ADK: variants seen among roughly 807,000 people sequenced by gnomAD.
The protein encoded by ADK is N6,N6-dimethyladenosine kinase.
A neutral mutation model predicts 44.7 loss-of-function variants in ADK; 24 were observed. The observed-to-expected ratio is 0.54, with a 90% CI of 0.39 to 0.76. ADK has a LOEUF of 0.76. Ranked by LOEUF, ADK falls within the 30% of genes least tolerant of loss-of-function variation. ADK has a pLI of 0.00. For synonymous variants in ADK, 128 were observed against 142.6 expected (o/e 0.90, Z 0.73); for missense variants, 321 against 425.1 (o/e 0.76, Z 2.15).
At chr10:74,623,383 A>AAC (rs1321365650) in intron 9 of ADK, among the ~76,000 whole-genome samples, 1 of 152,176 alleles carries the variant, frequency 6.6e-6, no homozygotes. Flanking sequence ...TCATAAGGTC[A>AAC]ACACCAATAG....
intron 9 of ADK, among the ~76,000 whole-genome samples, chr10:74,624,302 G>A (rs1853105719): frequency 6.6e-6 from 1 of 151,066 alleles, no homozygotes; most frequent in African/African-American, 2.4e-5. Context: ...CTGAGCCTTG[G>A]CCCAGAAAAT....
At chr10:74,520,978 A>G (rs1848804609) in intron 6 of ADK, among the ~76,000 whole-genome samples, 1 of 152,184 alleles carries the variant, frequency 6.6e-6, no homozygotes, top group South Asian at 2.1e-4. Context: ...TTAGTAAAGC[A>G]CAAGATTTTA....
chr10:74,391,652 TAC>T (rs71475280), intron 4 of ADK, among the ~76,000 whole-genome samples: 4,067 of 74,128 alleles, frequency 0.055, 65 homozygotes, highest in Non-Finnish European at 0.078. Flanking sequence ...GGCAAGAATA[TAC>T]ACACACACAC....
chr10:74,327,364 T>C (rs1222559993), intron 4 of ADK, among the ~76,000 whole-genome samples: 1 of 152,334 alleles, frequency 6.6e-6, no homozygotes, highest in East Asian at 1.9e-4. Context: ...GAAAATATAA[T>C]CTATGATTTT....
intron 6 of ADK, among the ~76,000 whole-genome samples, chr10:74,470,650 G>A (rs1326829047): frequency 3.3e-5 from 2 of 61,042 alleles, no homozygotes; most frequent in East Asian, 3.1e-4. Flanking sequence ...TTTCGGGGGT[G>A]AGGTGTTGTG....
intron 4 of ADK, among the ~76,000 whole-genome samples, chr10:74,348,208 C>G (rs1423357735): frequency 6.6e-6 from 1 of 152,126 alleles, no homozygotes; most frequent in African/African-American, 2.4e-5. Flanking sequence ...AGGCTGGTGC[C>G]CCTCTGGGAC....
At chr10:74,363,745 T>C (rs1842415266) in intron 4 of ADK, among the ~76,000 whole-genome samples, 1 of 151,972 alleles carries the variant, frequency 6.6e-6, no homozygotes, top group African/African-American at 2.4e-5. Flanking sequence ...CAGATACCCC[T>C]CTTCCAGCAG....
chr10:74,357,347 C>T (rs1254380727), intron 4 of ADK, among the ~76,000 whole-genome samples: 1 of 151,936 alleles, frequency 6.6e-6, no homozygotes, highest in Non-Finnish European at 1.5e-5. Context: ...GCTGTGTTAC[C>T]CAGTCTGGTG....
intron 3 of ADK, among the ~76,000 whole-genome samples, chr10:74,277,448 G>A (rs1012271424): frequency 1.1e-4 from 16 of 151,848 alleles, no homozygotes; most frequent in Non-Finnish European, 2.2e-4. Flanking sequence ...CCAGGCTGGA[G>A]TGCAGTGGTG....
rs545816634 is a variant in ADK at position 74,277,151 on chromosome 10, C to T, written c.195-37516C>T. Among the ~76,000 whole-genome samples, 9 of 152,206 alleles carry T rather than the reference C, an allele frequency of 5.9e-5. No homozygotes were observed. The South Asian group carries it at 8.3e-4, about 14-fold the overall frequency. ...CAGGCTGATCTCGAACTCTTGACCT[C>T]GGGTGATCCGCCCTCCTCAGCCTCC... On this transcript the variant is annotated intron_variant, in intron 3 of 10. Transcript: ENST00000539909.
chr10:74,441,273 C>T (rs1845398258), intron 6 of ADK, among the ~76,000 whole-genome samples: 1 of 152,156 alleles, frequency 6.6e-6, no homozygotes, highest in Non-Finnish European at 1.5e-5. Flanking sequence ...GACATAATAC[C>T]AAGTGTTGAC....
At chr10:74,643,088 C>T (rs1030145030) in intron 9 of ADK, among the ~76,000 whole-genome samples, 2 of 151,962 alleles carry the variant, frequency 1.3e-5, no homozygotes, top group Admixed American at 1.3e-4. Flanking sequence ...GCAATCCACC[C>T]ACCTCAGCCT....
intron 8 of ADK, among the ~76,000 whole-genome samples, chr10:74,593,697 A>C (rs1308616480): frequency 1.3e-5 from 2 of 152,204 alleles, no homozygotes; most frequent in Admixed American, 1.3e-4. Flanking sequence ...TTTGGAAAAC[A>C]AAACAAAATG....
intron 10 of ADK, among the ~76,000 whole-genome samples, chr10:74,695,241 A>C (rs532948620): frequency 6.6e-6 from 1 of 152,234 alleles, no homozygotes; most frequent in East Asian, 1.9e-4. Context: ...TTTTCATATA[A>C]ATTTTAGAAT....
rs550094141 is a variant in ADK, at chr10:74,686,684, G to A, written c.964+16415G>A. ...TTTGTTTGTTTGTTTTTTGTTTTTTGTGTTTCTTTTTTAGATGGAGTCTTG... is the reference window on the plus strand; with the variant it reads ...TTTGTTTGTTTGTTTTTTGTTTTTTATGTTTCTTTTTTAGATGGAGTCTTG... On this transcript the variant is annotated intron_variant, in intron 10 of 10. Transcript: ENST00000539909. 3.3e-5 allele frequency among the ~76,000 whole-genome samples: 5 copies of A among 152,006 alleles called. 1 individual carries two copies. The highest frequency in any genetic ancestry group is 2.0e-4 in the Admixed American group (3 of 15,266).
In ADK at chr10:74,366,050, G is replaced by A. The variant is rs558163343; in HGVS notation, c.274-28091G>A. On this transcript the variant is annotated intron_variant, in intron 4 of 10. Transcript: ENST00000539909. ...AAATGTATATTCAACTTACTTTCCCGTTTTTTATTTGAGTTTTATTTTTAA... is the reference window on the plus strand; with the variant it reads ...AAATGTATATTCAACTTACTTTCCCATTTTTTATTTGAGTTTTATTTTTAA... 5.3e-5 allele frequency among the ~76,000 whole-genome samples: 8 copies of A among 152,098 alleles called. No homozygotes were observed. The South Asian group carries it at 6.2e-4, about 12-fold the overall frequency.
intron 7 of ADK, among the ~76,000 whole-genome samples, chr10:74,554,347 G>T (rs913742464): frequency 6.6e-6 from 1 of 151,984 alleles, no homozygotes; most frequent in Non-Finnish European, 1.5e-5. Flanking sequence ...TGACTTTGGG[G>T]TTTTCATTTC....
chr10:74,616,107 C>G (rs954182458), intron 9 of ADK, among the ~76,000 whole-genome samples: 2 of 152,116 alleles, frequency 1.3e-5, no homozygotes, highest in Non-Finnish European at 2.9e-5. Flanking sequence ...TTTTTACAGC[C>G]TGTATGCCAG....
chr10:74,162,564 A>T (rs928777088), intron 1 of ADK, among the ~76,000 whole-genome samples: 12 of 138,834 alleles, frequency 8.6e-5, no homozygotes, highest in African/African-American at 3.8e-4. Flanking sequence ...TGTGTGTGTG[A>T]GACAGAGTCT....
Sources: gnomAD v4.1 joint callset for allele counts (sites outside exome capture counted in the v4.1 genomes callset) on GRCh38, gnomAD v4.1.1 for gene constraint, MANE v1.5 for transcripts, NCBI Gene and HGNC (gene_info 2026-07-23, HGNC 2026-07-21) for gene names.